The following ANKRD6 variants were observed in gnomAD, a reference collection of about 807,000 sequenced individuals.
ANKRD6 encodes ankyrin repeat domain 6.
Under a neutral mutation model 82.3 loss-of-function variants are expected in ANKRD6, and 56 were observed. That is an observed-to-expected ratio of 0.68 (90% CI 0.55 to 0.85). The LOEUF (loss-of-function observed/expected upper bound fraction) is 0.85, where lower values mean the gene tolerates loss of function less well. Ranked by LOEUF, ANKRD6 falls within the 40% of genes least tolerant of loss-of-function variation. ANKRD6 has a pLI of 0.00. For missense variants in ANKRD6, 852 were observed against 907.6 expected (o/e 0.94, Z 0.79); for synonymous variants, 347 against 352.1 (o/e 0.99, Z 0.16).
rs189836244 is a variant in ANKRD6, at chr6:89,499,629, C to T, written c.-144+66254C>T. On this transcript the variant is annotated intron_variant, in intron 1 of 15. Transcript: ENST00000339746. ...TGCCAATAGCTTGTATTGTGTGAGACAGTGCCGTACCACAAATGTTCCTGT... is the reference window on the plus strand; with the variant it reads ...TGCCAATAGCTTGTATTGTGTGAGATAGTGCCGTACCACAAATGTTCCTGT... 2.0e-3 allele frequency among the ~76,000 whole-genome samples: 308 copies of T among 152,202 alleles called. 1 individual carries two copies. Among genetic ancestry groups the T allele is most frequent in the African/African-American group, 7.3e-3 (301 of 41,516 alleles).
chr6:89,623,140 G>A (rs187440466), intron 10 of ANKRD6, among the ~76,000 whole-genome samples: 209 of 152,032 alleles, frequency 1.4e-3, no homozygotes, highest in African/African-American at 4.9e-3. Flanking sequence ...GTAGGTTCCT[G>A]GTGTTCTACA....
intron 8 of ANKRD6, chr6:89,617,041 A>G: frequency 2.4e-6 from 1 of 418,834 alleles, no homozygotes; most frequent in Non-Finnish European, 4.8e-6. Flanking sequence ...ATTCTAAAGC[A>G]ACTCCTTTCT....
At position 89,566,919 on chromosome 6, in the gene ANKRD6, C is replaced by G. The variant is rs1788652159; in HGVS notation, c.-58C>G. On this transcript the variant is annotated 5_prime_UTR_variant, in exon 2 of 16. Coordinates refer to ENST00000339746, the MANE Select transcript of ANKRD6 (RefSeq NM_001242809.2). ...GGGTGCCAGGCCGGGCCAGTGACTTCGTGTTGAGCTGAAGGAACTTGTCTA... is the reference window on the plus strand; with the variant it reads ...GGGTGCCAGGCCGGGCCAGTGACTTGGTGTTGAGCTGAAGGAACTTGTCTA... The G allele has an allele frequency of 3.9e-6, 6 of 1,546,528 alleles. No individual in the cohort carries two copies. In the East Asian group the frequency reaches 1.5e-4, roughly 38 times the overall value.
chr6:89,481,304 A>G (rs989056893), intron 1 of ANKRD6, among the ~76,000 whole-genome samples: 10 of 152,208 alleles, frequency 6.6e-5, no homozygotes, highest in Non-Finnish European at 1.5e-5. Context: ...TTCAAATTGA[A>G]CATCTCAAAC....
At chr6:89,547,704 A>G (rs1039819278) in intron 1 of ANKRD6, among the ~76,000 whole-genome samples, 1 of 152,164 alleles carries the variant, frequency 6.6e-6, no homozygotes, top group Admixed American at 6.5e-5. Flanking sequence ...ATAATATTTT[A>G]TAGAAAATTG....
At chr6:89,576,082 C>T (rs988954739) in intron 2 of ANKRD6, among the ~76,000 whole-genome samples, 4 of 151,150 alleles carry the variant, frequency 2.6e-5, no homozygotes, top group Non-Finnish European at 4.4e-5. Context: ...GACGGAGTCT[C>T]GCTCTGTCAC....
intron 2 of ANKRD6, among the ~76,000 whole-genome samples, chr6:89,569,633 A>C (rs1047635634): frequency 3.3e-5 from 5 of 152,228 alleles, no homozygotes; most frequent in Non-Finnish European, 5.9e-5. Flanking sequence ...GCTGGGTCGT[A>C]TGGCAAATCT....
At chr6:89,521,873 C>CTA (rs1781930494) in intron 1 of ANKRD6, among the ~76,000 whole-genome samples, 1 of 152,030 alleles carries the variant, frequency 6.6e-6, no homozygotes, top group African/African-American at 2.4e-5. Context: ...TGACATAATC[C>CTA]TATTAGTCTC....
Position 89,552,762 on chromosome 6 carries a change from C to T in ANKRD6, c.-143-14072C>T, listed in dbSNP as rs548169958. ...TGAAGTCAGCAGCTATCATTATTAT[C>T]CCCATTTTTATAGATGAGAATATTA... On this transcript the variant is annotated intron_variant, in intron 1 of 15. Transcript: ENST00000339746. Among the ~76,000 whole-genome samples the T allele has an allele frequency of 5.2e-4, 79 of 152,236 alleles. 1 individual carries two copies. The highest frequency in any genetic ancestry group is 1.8e-3 in the African/African-American group (73 of 41,542).
At chr6:89,537,423 T>C (rs1166477287) in intron 1 of ANKRD6, among the ~76,000 whole-genome samples, 2 of 152,084 alleles carry the variant, frequency 1.3e-5, no homozygotes, top group Non-Finnish European at 2.9e-5. Flanking sequence ...TAATTGCCAG[T>C]GATTCTTCTT....
At chr6:89,482,282 A>G (rs948393444) in intron 1 of ANKRD6, among the ~76,000 whole-genome samples, 1 of 152,364 alleles carries the variant, frequency 6.6e-6, no homozygotes, top group Non-Finnish European at 1.5e-5. Flanking sequence ...CAGTGAGCCA[A>G]CCTTGCTATT....
intron 1 of ANKRD6, among the ~76,000 whole-genome samples, chr6:89,520,090 C>T (rs1458709671): frequency 6.6e-6 from 1 of 152,158 alleles, no homozygotes; most frequent in Non-Finnish European, 1.5e-5. Context: ...CAGGCTCGAT[C>T]CTCCTACTTC....
chr6:89,496,187 C>G lies in ANKRD6; in HGVS notation c.-144+62812C>G, dbSNP rs533095442. On this transcript the variant is annotated intron_variant, in intron 1 of 15. Transcript: ENST00000339746. ...CTTTTTTCCACACTGCCCCCCCCCC[C>G]ACCATAATTAAAGTACTTAGGAATT... 3.6e-3 allele frequency among the ~76,000 whole-genome samples: 550 copies of G among 151,386 alleles called. 4 individuals carry two copies. The highest frequency in any genetic ancestry group is 0.014 in the Middle Eastern group (4 of 292).
intron 1 of ANKRD6, among the ~76,000 whole-genome samples, chr6:89,489,131 G>A (rs954771787): frequency 6.6e-6 from 1 of 152,106 alleles, no homozygotes; most frequent in Non-Finnish European, 1.5e-5. Context: ...CATTGCTCCT[G>A]AAGGGGTCTC....
chr6:89,485,277 C>A (rs576487301), intron 1 of ANKRD6, among the ~76,000 whole-genome samples: 315 of 152,300 alleles, frequency 2.1e-3, no homozygotes, highest in African/African-American at 7.4e-3. Context: ...TCACATTTAG[C>A]ATTGAACGCT....
rs1372428604 is a variant in ANKRD6 at position 89,605,842 on chromosome 6, A to T, written c.319-165A>T. 2.0e-5 allele frequency among the ~76,000 whole-genome samples: 3 copies of T among 152,218 alleles called. No individual in the cohort carries two copies. The East Asian group carries it at 5.8e-4, about 29-fold the overall frequency. ...ATGTATCATTTCTGGGATAATGGAG[A>T]AACTTACCACTCAAATCATCTTCTG... On this transcript the variant is annotated intron_variant, in intron 4 of 15. Transcript: ENST00000339746.
intron 2 of ANKRD6, among the ~76,000 whole-genome samples, chr6:89,594,572 T>C (rs1184242815): frequency 1.3e-5 from 2 of 152,148 alleles, no homozygotes; most frequent in East Asian, 3.8e-4. Context: ...AATACCAAAT[T>C]TGAGAGAGTG....
At chr6:89,493,390 CTCT>C (rs1778232782) in intron 1 of ANKRD6, among the ~76,000 whole-genome samples, 1 of 151,906 alleles carries the variant, frequency 6.6e-6, no homozygotes, top group South Asian at 2.1e-4. Flanking sequence ...AACTCTCACT[CTCT>C]CTCTCCCTCT....
intron 1 of ANKRD6, among the ~76,000 whole-genome samples, chr6:89,554,831 A>G (rs1786346950): frequency 6.6e-6 from 1 of 152,200 alleles, no homozygotes. Flanking sequence ...GAAGATATTC[A>G]AAGAAGCACA....
Sources: allele counts gnomAD v4.1 joint callset (sites outside exome capture counted in the v4.1 genomes callset), GRCh38; gene constraint gnomAD v4.1.1; transcripts MANE v1.5; gene names NCBI Gene and HGNC (gene_info 2026-07-23, HGNC 2026-07-21).